Variants in NAALADL2 observed in about 807,000 individuals in gnomAD.
NAALADL2 encodes N-acetylated alpha-linked acidic dipeptidase like 2.
Under a neutral mutation model 87.2 loss-of-function variants are expected in NAALADL2, and 76 were observed. The ratio of observed to expected loss-of-function variants is 0.87; its 90% confidence interval spans 0.72 to 1.05. The LOEUF (loss-of-function observed/expected upper bound fraction) is 1.05. NAALADL2 is among the 50% of genes least tolerant of loss of function. The probability of loss-of-function intolerance (pLI) is 0.00; values close to 1 mark genes in which losing one functional copy is unlikely to be tolerated. For missense variants in NAALADL2, 1,089 were observed against 945.8 expected (o/e 1.15, Z -1.99); for synonymous variants, 354 against 331.0 (o/e 1.07, Z -0.75).
chr3:175,359,596 T>C (rs1764756561), intron 5 of NAALADL2, among the ~76,000 whole-genome samples: 1 of 152,270 alleles, frequency 6.6e-6, no homozygotes, highest in East Asian at 1.9e-4. Context: ...CTATGTGCCT[T>C]TAATTTAATA....
Position 175,777,142 on chromosome 3 carries a change from G to T in NAALADL2, c.2189+21724G>T, listed in dbSNP as rs191126895. 1.3e-4 allele frequency among the ~76,000 whole-genome samples: 19 copies of T among 151,854 alleles called. No homozygotes were observed. The East Asian group carries it at 3.7e-3, about 30-fold the overall frequency. On this transcript the variant is annotated intron_variant, in intron 13 of 13. Transcript: ENST00000454872. Reference sequence around the variant, plus strand: ...GGGATTGCTACACTCTGGCAAGTTGGAAAAGGTCTATTTTGTTGTTTCTTT... The same window carrying T: ...GGGATTGCTACACTCTGGCAAGTTGTAAAAGGTCTATTTTGTTGTTTCTTT...
intron 1 of NAALADL2, among the ~76,000 whole-genome samples, chr3:175,036,274 A>T (rs1466392353): frequency 6.6e-6 from 1 of 152,184 alleles, no homozygotes; most frequent in Non-Finnish European, 1.5e-5. Flanking sequence ...TATAAAGGTC[A>T]TTATTGTCAT....
chr3:174,495,705 T>TAGAAAATCAAGGATTAGGGATTCCAG (rs1718489282), intron 1 of NAALADL2, among the ~76,000 whole-genome samples: 5 of 35,490 alleles, frequency 1.4e-4, no homozygotes, highest in Admixed American at 3.9e-4. Context: ...TATGTCTTTT[T>TAGAAAATCAAGGATTAGGGATTCCAG]CTGTTGCAGT....
At chr3:174,506,322 A>G (rs917476945) in intron 1 of NAALADL2, among the ~76,000 whole-genome samples, 1 of 151,820 alleles carries the variant, frequency 6.6e-6, no homozygotes, top group Non-Finnish European at 1.5e-5. Context: ...CTGGGATTAC[A>G]GGCACCCACC....
At chr3:175,258,183 C>T (rs1220150120) in intron 4 of NAALADL2, among the ~76,000 whole-genome samples, 1 of 151,966 alleles carries the variant, frequency 6.6e-6, no homozygotes, top group African/African-American at 2.4e-5. Context: ...TGGCGGGCGC[C>T]TGTAGTCCCA....
At chr3:175,731,090 A>G (rs1427772034) in intron 11 of NAALADL2, among the ~76,000 whole-genome samples, 1 of 152,226 alleles carries the variant, frequency 6.6e-6, no homozygotes, top group African/African-American at 2.4e-5. Flanking sequence ...GTCTAGCTTT[A>G]GTTTTCCACA....
intron 2 of NAALADL2, among the ~76,000 whole-genome samples, chr3:175,217,848 TG>T (rs1169752749): frequency 1.3e-5 from 2 of 152,182 alleles, no homozygotes; most frequent in African/African-American, 4.8e-5. Flanking sequence ...TTGTCTTCAT[TG>T]GGGTTTGTGT....
chr3:175,256,510 A>G lies in NAALADL2; in HGVS notation c.919A>G (p.Lys307Glu). The change falls in exon 4 of 14, where the codon AAA becomes GAA. Residue 307 changes from lysine (K) to glutamate (E), a missense_variant. Coordinates refer to ENST00000454872, the MANE Select transcript of NAALADL2 (RefSeq NM_207015.3). ...TNQIALLKLG[K>E]LPLLYKLSSL... Reference sequence around the variant, plus strand: ...TCAGATCGCACTCCTGAAATTAGGAAAATTGCCACTGCTTTATAAGGTTGG... The same window carrying G: ...TCAGATCGCACTCCTGAAATTAGGAGAATTGCCACTGCTTTATAAGGTTGG... The G allele has an allele frequency of 3.1e-6, 5 of 1,612,474 alleles. No individual in the cohort carries two copies. The highest frequency in any genetic ancestry group is 3.3e-4 in the Middle Eastern group (2 of 6,050).
intron 1 of NAALADL2, among the ~76,000 whole-genome samples, chr3:174,505,949 T>C (rs1198353847): frequency 6.6e-6 from 1 of 152,184 alleles, no homozygotes; most frequent in Non-Finnish European, 1.5e-5. Flanking sequence ...ATAACTTGTA[T>C]TGGTCTTTTA....
At chr3:175,667,536 T>G (rs1172294422) in intron 11 of NAALADL2, among the ~76,000 whole-genome samples, 4 of 152,132 alleles carry the variant, frequency 2.6e-5, no homozygotes, top group Admixed American at 6.5e-5. Flanking sequence ...CTTGTTTCTT[T>G]GAGTACTATT....
At chr3:174,909,923 G>A (rs1733479229) in intron 1 of NAALADL2, among the ~76,000 whole-genome samples, 2 of 152,140 alleles carry the variant, frequency 1.3e-5, no homozygotes, top group South Asian at 4.1e-4. Context: ...AACTACACAA[G>A]TTAAGTATTA....
At chr3:175,055,853 C>A (rs549304872) in intron 1 of NAALADL2, among the ~76,000 whole-genome samples, 1 of 152,194 alleles carries the variant, frequency 6.6e-6, no homozygotes, top group Non-Finnish European at 1.5e-5. Context: ...CCTGTGCCAA[C>A]AAAGTAGCTT....
intron 1 of NAALADL2, among the ~76,000 whole-genome samples, chr3:175,081,923 T>C (rs1717918510): frequency 6.6e-6 from 1 of 152,162 alleles, no homozygotes; most frequent in South Asian, 2.1e-4. Context: ...TTGGGAGCCA[T>C]TTGTGGAACA....
chr3:175,633,265 C>A (rs989858851), intron 11 of NAALADL2, among the ~76,000 whole-genome samples: 1 of 152,072 alleles, frequency 6.6e-6, no homozygotes, highest in African/African-American at 2.4e-5. Flanking sequence ...TAAAAAGCTC[C>A]ACTTGGCTTG....
intron 2 of NAALADL2, among the ~76,000 whole-genome samples, chr3:174,558,952 T>C (rs1713222933): frequency 6.6e-6 from 1 of 152,162 alleles, no homozygotes; most frequent in Non-Finnish European, 1.5e-5. Flanking sequence ...TAGAGTTGCC[T>C]TTCAAATCTG....
chr3:174,665,198 C>T (rs9814039), intron 2 of NAALADL2, among the ~76,000 whole-genome samples: 11,220 of 152,154 alleles, frequency 0.074, 1,395 homozygotes, highest in African/African-American at 0.26. Context: ...ATGAGCATTA[C>T]ATAGAGATTT....
chr3:175,221,372 C>T (rs549680274), intron 2 of NAALADL2, among the ~76,000 whole-genome samples: 63 of 152,136 alleles, frequency 4.1e-4, no homozygotes, highest in South Asian at 6.2e-4. Context: ...TTTGGCCTCT[C>T]GAAGTGTATT....
chr3:175,697,776 CATATATATGTGTGTGTATATATGTATAT>C (rs1213427630), intron 11 of NAALADL2, among the ~76,000 whole-genome samples: 1 of 141,808 alleles, frequency 7.1e-6, no homozygotes, highest in African/African-American at 2.6e-5. Flanking sequence ...TACATATATA[CATATATATGTGTGTGTATATATGTATAT>C]ATATTTATGT....
chr3:174,653,730 A>G (rs142449416), intron 2 of NAALADL2, among the ~76,000 whole-genome samples: 9 of 152,278 alleles, frequency 5.9e-5, no homozygotes, highest in African/African-American at 1.9e-4. Context: ...AAAACTTGAC[A>G]AGTATTTGTG....
Sources: gnomAD v4.1 joint callset for allele counts (sites outside exome capture counted in the v4.1 genomes callset) on GRCh38, gnomAD v4.1.1 for gene constraint, MANE v1.5 for transcripts, NCBI Gene and HGNC (gene_info 2026-07-23, HGNC 2026-07-21) for gene names.